SUMF1: variants seen among roughly 807,000 people sequenced by gnomAD.
The protein encoded by SUMF1 is sulfatase modifying factor 1, also known as formylglycine-generating enzyme.
Under a neutral mutation model 47.6 loss-of-function variants are expected in SUMF1, and 48 were observed. That is an observed-to-expected ratio of 1.01 (90% CI 0.80 to 1.28). The LOEUF is 1.28. Among genes scored for constraint, SUMF1 ranks in the 50% most tolerant of loss-of-function variants. The pLI is 0.00. For missense variants in SUMF1, 571 were observed against 485.4 expected (o/e 1.18, Z -1.66); for synonymous variants, 230 against 192.1 (o/e 1.20, Z -1.63).
intron 8 of SUMF1, among the ~76,000 whole-genome samples, chr3:4,195,062 T>C (rs1281104646): frequency 2.0e-5 from 3 of 152,104 alleles, no homozygotes; most frequent in Non-Finnish European, 4.4e-5. Context: ...AAAATAAAAC[T>C]GTATCATCAG....
rs192180013 is a variant in SUMF1, at chr3:4,146,002, C to G, written c.1015-77257G>C. On this transcript the variant is annotated intron_variant and NMD_transcript_variant, in intron 8 of 12. Coordinates refer to the SUMF1 transcript ENST00000448413. ...AGAGAGGGAAAATCCACTGGGTCTC[C>G]CTGTTGTGTCGACTTGGTCTCACTG... Among the ~76,000 whole-genome samples, 179 of 152,154 alleles carry G rather than the reference C, an allele frequency of 1.2e-3. 1 individual carries two copies. Among genetic ancestry groups the G allele is most frequent in the Middle Eastern group, 3.4e-3 (1 of 294 alleles).
At position 4,417,117 on chromosome 3, in the gene SUMF1, T is replaced by A. The variant is rs754124043; in HGVS notation, c.840+11A>T. 6.2e-7 allele frequency: 1 copy of A among 1,613,360 alleles called. No individual in the cohort carries two copies. The highest frequency in any genetic ancestry group is 8.5e-7 in the Non-Finnish European group (1 of 1,179,372). ...CAGCTGCCACCCTCCTGCAGAGGTC[T>A]CATTACTCACAGGCGCAGTTCCTTG... On this transcript the variant is annotated intron_variant, in intron 6 of 8. Coordinates refer to ENST00000272902, the MANE Select transcript of SUMF1 (RefSeq NM_182760.4).
chr3:4,057,752 C>T (rs1424378832), intron 9 of SUMF1, among the ~76,000 whole-genome samples: 1 of 152,088 alleles, frequency 6.6e-6, no homozygotes, highest in African/African-American at 2.4e-5. Context: ...TGGAAAGTTG[C>T]AGGTAGGTGC....
intron 8 of SUMF1, among the ~76,000 whole-genome samples, chr3:4,153,618 T>C (rs1694388677): frequency 6.6e-6 from 1 of 151,154 alleles, no homozygotes; most frequent in East Asian, 1.9e-4. Flanking sequence ...TAAAAAATAT[T>C]AACTTTCTTA....
intron 8 of SUMF1, chr3:4,303,596 C>G (rs1364693538): frequency 2.9e-6 from 4 of 1,375,806 alleles, no homozygotes; most frequent in Non-Finnish European, 2.8e-6. Context: ...CAAGCCGCCT[C>G]GCTGGGACGG....
intron 8 of SUMF1, among the ~76,000 whole-genome samples, chr3:4,083,870 C>T (rs1185627731): frequency 1.3e-5 from 2 of 150,298 alleles, no homozygotes; most frequent in African/African-American, 4.9e-5. Flanking sequence ...TAGAAATGGA[C>T]TTTGTAGGAT....
At chr3:4,299,237 G>C (rs1697916121) in intron 8 of SUMF1, among the ~76,000 whole-genome samples, 1 of 152,188 alleles carries the variant, frequency 6.6e-6, no homozygotes, top group Non-Finnish European at 1.5e-5. Context: ...TATTCTCCTT[G>C]CATTTGAGCC....
intron 9 of SUMF1, among the ~76,000 whole-genome samples, chr3:4,053,042 C>T (rs1391034421): frequency 1.3e-5 from 2 of 152,188 alleles, no homozygotes; most frequent in African/African-American, 4.8e-5. Context: ...TCAGCTTTTA[C>T]ATACCTTCCT....
chr3:4,110,645 A>G (rs1693276953), intron 8 of SUMF1, among the ~76,000 whole-genome samples: 1 of 151,972 alleles, frequency 6.6e-6, no homozygotes, highest in Admixed American at 6.6e-5. Flanking sequence ...CATATACACC[A>G]TGGAATACTA....
At chr3:4,303,843 T>C in intron 8 of SUMF1, 1 of 1,335,336 alleles carries the variant, frequency 7.5e-7, no homozygotes, top group Non-Finnish European at 9.9e-7. Flanking sequence ...GTCATTTACC[T>C]CCCTGGTCTC....
chr3:4,419,061 G>C (rs1279439714), intron 4 of SUMF1, among the ~76,000 whole-genome samples: 2 of 152,178 alleles, frequency 1.3e-5, no homozygotes. Context: ...TTCCAGCACA[G>C]ACAACAGAGG....
intron 8 of SUMF1, among the ~76,000 whole-genome samples, chr3:4,246,680 G>A (rs1017751554): frequency 2.6e-5 from 4 of 152,082 alleles, no homozygotes; most frequent in South Asian, 2.1e-4. Flanking sequence ...GATTACAGGC[G>A]TGAGCTACCG....
intron 9 of SUMF1, among the ~76,000 whole-genome samples, chr3:4,048,509 C>T (rs1283490660): frequency 2.0e-5 from 3 of 152,146 alleles, no homozygotes; most frequent in Admixed American, 6.5e-5. Flanking sequence ...TAACTATGAG[C>T]TCTTCATTAT....
At chr3:4,303,641 C>T (rs1021234246) in intron 8 of SUMF1, 4 of 1,425,238 alleles carry the variant, frequency 2.8e-6, no homozygotes, top group African/African-American at 1.5e-5. Flanking sequence ...TCTCTTACAG[C>T]GCACCCGTTG....
chr3:4,312,406 G>A (rs1698441297), intron 8 of SUMF1, among the ~76,000 whole-genome samples: 1 of 152,016 alleles, frequency 6.6e-6, no homozygotes, highest in Non-Finnish European at 1.5e-5. Context: ...GAAAAAAATA[G>A]TATTTTTCTT....
chr3:4,176,685 A>G (rs1694972561), intron 8 of SUMF1, among the ~76,000 whole-genome samples: 1 of 152,194 alleles, frequency 6.6e-6, no homozygotes, highest in African/African-American at 2.4e-5. Flanking sequence ...TTCACACATA[A>G]CAACATTAAC....
chr3:4,139,380 G>C (rs931229691), intron 8 of SUMF1, among the ~76,000 whole-genome samples: 6 of 151,574 alleles, frequency 4.0e-5, no homozygotes, highest in African/African-American at 1.5e-4. Context: ...TAAGAATTCA[G>C]AAAAAAATCA....
chr3:4,127,875 T>A (rs183771878), intron 8 of SUMF1, among the ~76,000 whole-genome samples: 69 of 152,190 alleles, frequency 4.5e-4, no homozygotes, highest in African/African-American at 1.6e-3. Context: ...TCTAACAGTA[T>A]GGAGAACAGT....
chr3:4,231,761 G>C (rs55719533), intron 8 of SUMF1, among the ~76,000 whole-genome samples: 4,140 of 152,180 alleles, frequency 0.027, 179 homozygotes, highest in African/African-American at 0.094. Flanking sequence ...ATGTTGAGAA[G>C]AATCTTGGCA....
Sources: gnomAD v4.1 joint callset for allele counts (sites outside exome capture counted in the v4.1 genomes callset) on GRCh38, gnomAD v4.1.1 for gene constraint, MANE v1.5 for transcripts, NCBI Gene and HGNC (gene_info 2026-07-23, HGNC 2026-07-21) for gene names.